Variants in ZNF717 observed in about 807,000 individuals in gnomAD.
The protein encoded by ZNF717 is krueppel-like factor X17.
In ZNF717, 9 loss-of-function variants were observed where a neutral mutation model predicts 13.8. The ratio of observed to expected loss-of-function variants is 0.65; its 90% CI spans 0.39 to 1.14. ZNF717 has a LOEUF of 1.14. Among genes scored for constraint, ZNF717 ranks in the 50% most tolerant of loss-of-function variants. The pLI, the probability that ZNF717 is intolerant of heterozygous loss-of-function variation, is 0.01. For missense variants in ZNF717, 1,040 were observed against 1,080.7 expected, an observed-to-expected ratio of 0.96 and a Z score of 0.53; for synonymous variants, 327 against 364.1, an observed-to-expected ratio of 0.90 and a Z score of 1.16.
downstream of ZNF717, among the ~76,000 whole-genome samples, chr3:75,734,707 T>C (rs1414939951): frequency 2.0e-3 from 242 of 120,032 alleles, no homozygotes; most frequent in Admixed American, 2.7e-3. Context: ...AGTCCTGGGA[T>C]TACAGGCATA....
At chr3:75,714,109 C>T (rs1938001221) in intron 5 of ZNF717, among the ~76,000 whole-genome samples, 2 of 152,128 alleles carry the variant, frequency 1.3e-5, no homozygotes, top group Admixed American at 1.3e-4. Flanking sequence ...AGGAGCATGA[C>T]CACTGAAGCA....
downstream of ZNF717, among the ~76,000 whole-genome samples, chr3:75,729,290 G>A (rs78877738): frequency 6.6e-6 from 1 of 152,252 alleles, no homozygotes; most frequent in African/African-American, 2.4e-5. Context: ...GGGCAGAAGG[G>A]TGACTCTGAG....
intron 2 of ZNF717, among the ~76,000 whole-genome samples, chr3:75,782,847 A>G (rs1944912945): frequency 6.6e-6 from 1 of 151,924 alleles, no homozygotes; most frequent in Non-Finnish European, 1.5e-5. Context: ...TTAGCGGATG[A>G]CGACCGTTTC....
At chr3:75,753,001 T>C (rs1276509916) in intron 2 of ZNF717, among the ~76,000 whole-genome samples, 49 of 115,790 alleles carry the variant, frequency 4.2e-4, no homozygotes, top group Non-Finnish European at 6.1e-4. Context: ...CAGAACACTT[T>C]TGCTGGTGTC....
intron 2 of ZNF717, among the ~76,000 whole-genome samples, chr3:75,765,327 T>C (rs57660758): frequency 0.4 from 45,780 of 113,256 alleles, 7,335 homozygotes; most frequent in African/African-American, 0.53. Flanking sequence ...CTTAACTCTA[T>C]AAAACTGTAT....
intron 3 of ZNF717, 77 bp downstream of exon 3, chr3:75,741,533 T>C (rs1349257289): frequency 2.7e-6 from 4 of 1,504,668 alleles, no homozygotes; most frequent in Non-Finnish European, 3.6e-6. Context: ...AAGTAAATAT[T>C]ATTATACCTT....
intron 2 of ZNF717, among the ~76,000 whole-genome samples, chr3:75,772,296 G>A (rs1349999325): frequency 6.6e-6 from 1 of 152,246 alleles, no homozygotes; most frequent in Non-Finnish European, 1.5e-5. Flanking sequence ...CATTCTTCCT[G>A]GATGCAGGAG....
rs878887806 is a variant in ZNF717 at position 75,753,087 on chromosome 3, C to T, written c.58-11351G>A. Among the ~76,000 whole-genome samples, 794 of 148,130 alleles carry T rather than the reference C, an allele frequency of 5.4e-3. 13 individuals carry two copies. The highest frequency in any genetic ancestry group is 0.019 in the African/African-American group (762 of 39,894). ...AAAGTTTGTCCCTCACATAGGATTC[C>T]AGAACACTGCTGCTAGGGTCTGAAT... is the stretch of plus-strand genomic sequence containing the variant. On this transcript the variant is annotated intron_variant, in intron 2 of 4. Transcript: ENST00000652011.
chr3:75,771,624 T>G (rs1034892557), intron 2 of ZNF717, among the ~76,000 whole-genome samples: 28 of 152,208 alleles, frequency 1.8e-4, no homozygotes, highest in Non-Finnish European at 3.7e-4. Flanking sequence ...GGCGCCCAAG[T>G]GGAGCAGTCG....
chr3:75,778,845 AAC>A (rs1944564218), intron 2 of ZNF717, among the ~76,000 whole-genome samples: 1 of 140,328 alleles, frequency 7.1e-6, no homozygotes, highest in African/African-American at 2.9e-5. Context: ...GAGGTGCTAA[AAC>A]CGGAACCCAA....
intron 2 of ZNF717, among the ~76,000 whole-genome samples, chr3:75,755,830 C>G (rs1442746273): frequency 2.0e-5 from 3 of 152,234 alleles, no homozygotes; most frequent in Non-Finnish European, 4.4e-5. Context: ...AGAATGAAGA[C>G]TAAGGAGAAT....
downstream of ZNF717, among the ~76,000 whole-genome samples, chr3:75,704,728 C>T (rs1388993168): frequency 1.3e-5 from 2 of 152,308 alleles, no homozygotes; most frequent in Non-Finnish European, 2.9e-5. Flanking sequence ...TGCTCAGCGC[C>T]TCAGTTTTGT....
In ZNF717 at chr3:75,737,135, A is replaced by G. The variant is rs1939378400; in HGVS notation, c.2488T>C (p.Phe830Leu). 3.2e-6 allele frequency: 5 copies of G among 1,565,590 alleles called. No homozygotes were observed. The highest frequency in any genetic ancestry group is 1.2e-5 in the South Asian group (1 of 85,516). The stretch of plus-strand genomic sequence containing the variant: ...CCTGTGTGAGTTCTGTGATGTACAA[A>G]GAGTTTTGACTTCTGGGAGAAGGTT... ...RKTFSQKSKLFVHHRTHTGEK... is the reference protein window; with the variant it reads ...RKTFSQKSKLLVHHRTHTGEK... Residue 830 changes from phenylalanine (F) to leucine (L), a missense_variant, in exon 5 of 5, where the codon TTT (phenylalanine) becomes CTT (leucine). Phe to Leu is a conservative substitution (Grantham distance 22, BLOSUM62 0). Around this residue, in one of 3 missense-constraint regions of ZNF717, gnomAD observed 873 missense variants for 832.8 expected, o/e 1.05. Coordinates refer to ENST00000652011, the MANE Select transcript of ZNF717 (RefSeq NM_001290208.3).
intron 6 of ZNF717, among the ~76,000 whole-genome samples, chr3:75,701,373 A>T (rs1225271608): frequency 1.7e-4 from 26 of 151,740 alleles, no homozygotes; most frequent in African/African-American, 6.1e-4. Context: ...CATTTCCTTT[A>T]TAAATTATTC....
chr3:75,738,678 C>T lies in ZNF717; in HGVS notation c.945G>A (p.Trp315Ter). The T allele has an allele frequency of 3.2e-6, 5 of 1,551,882 alleles. No homozygotes were observed. The South Asian group carries it at 3.6e-5, about 11-fold the overall frequency. ...PTEEKPYACN[W>*]CEKLFSYKSS... ...ACTTATAGCTGAACAATTTTTCACA[C>T]CAGTTACAGGCATAAGGTTTTTCCT... The change falls in exon 5 of 5, where the codon TGG becomes TGA. Residue 315 changes from tryptophan (W) to a stop codon, truncating the protein, a stop_gained. Transcript: ENST00000652011. LOFTEE classifies it low-confidence loss of function (END_TRUNC).
chr3:75,740,753 C>T (rs1387050399), intron 4 of ZNF717, among the ~76,000 whole-genome samples: 2 of 150,592 alleles, frequency 1.3e-5, no homozygotes, highest in Non-Finnish European at 3.0e-5. Flanking sequence ...AACACTTGAG[C>T]CCAGGAGTTC....
At chr3:75,756,831 C>T (rs544075559) in intron 2 of ZNF717, among the ~76,000 whole-genome samples, 125 of 152,272 alleles carry the variant, frequency 8.2e-4, no homozygotes, top group Non-Finnish European at 1.3e-3. Flanking sequence ...TGCGCCACCA[C>T]GCCCGGCTAA....
intron 2 of ZNF717, among the ~76,000 whole-genome samples, chr3:75,746,273 T>C (rs1250765392): frequency 1.3e-5 from 2 of 152,346 alleles, no homozygotes; most frequent in South Asian, 2.1e-4. Context: ...CAGTCTATCA[T>C]TGTTGGACAT....
At chr3:75,715,481 C>T (rs12330624) in intron 5 of ZNF717, among the ~76,000 whole-genome samples, 7,240 of 152,046 alleles carry the variant, frequency 0.048, 436 homozygotes, top group African/African-American at 0.16. Flanking sequence ...GATCTGAGAG[C>T]CTAATTTCAT....
Sources: allele counts gnomAD v4.1 joint callset (sites outside exome capture counted in the v4.1 genomes callset), GRCh38; gene constraint gnomAD v4.1.1; regional missense constraint gnomAD v4.1.1; transcripts MANE v1.5; gene names NCBI Gene and HGNC (gene_info 2026-07-23, HGNC 2026-07-21).